The following DSG2 variants were observed in gnomAD, a reference collection of about 807,000 sequenced individuals.
DSG2 encodes desmoglein 2, also known as desmoglein-2.
A neutral mutation model predicts 75.6 loss-of-function variants in DSG2; 45 were observed. The observed-to-expected ratio is 0.60, with a 90% CI of 0.47 to 0.76. The LOEUF (loss-of-function observed/expected upper bound fraction) is 0.76. Ranked by LOEUF, DSG2 falls within the 30% of genes least tolerant of loss-of-function variation. The pLI, the probability that DSG2 is intolerant of heterozygous loss-of-function variation, is 0.00. For missense variants in DSG2, 1,267 were observed against 1,357.4 expected (o/e 0.93, Z 1.05); for synonymous variants, 429 against 483.9 (o/e 0.89, Z 1.49).
intron 1 of DSG2, among the ~76,000 whole-genome samples, chr18:31,515,668 T>C (rs2073090611): frequency 6.6e-6 from 1 of 152,188 alleles, no homozygotes; most frequent in African/African-American, 2.4e-5. Context: ...GAAGAGATCA[T>C]AGATCTGATC....
intron 1 of DSG2, among the ~76,000 whole-genome samples, chr18:31,500,787 C>T (rs2073009671): frequency 6.6e-6 from 1 of 152,150 alleles, no homozygotes; most frequent in Non-Finnish European, 1.5e-5. Context: ...TGAATAAAAT[C>T]AGAGAATATT....
intron 12 of DSG2, among the ~76,000 whole-genome samples, chr18:31,539,660 C>G (rs1166489675): frequency 2.6e-5 from 4 of 152,200 alleles, no homozygotes; most frequent in African/African-American, 9.7e-5. Context: ...TGAATATGGA[C>G]AGAGGGCCGC....
chr18:31,502,419 A>G (rs1009836957), intron 1 of DSG2, among the ~76,000 whole-genome samples: 5 of 152,236 alleles, frequency 3.3e-5, no homozygotes, highest in African/African-American at 1.2e-4. Flanking sequence ...TTGAATAGGG[A>G]TAAGTGTTTT....
At position 31,546,841 on chromosome 18, in the gene DSG2, G is replaced by C; in HGVS notation, c.*98G>C. 1 of 1,317,250 alleles carries C rather than the reference G, an allele frequency of 7.6e-7. No homozygotes were observed. The allele number at this position is 1,317,250 out of a possible 1,614,324, so 81.6% of individuals were successfully genotyped here. A position where few individuals can be genotyped will look rare whatever the true frequency, so the allele number is the denominator to read the frequency against. ...TTTTCATGAGCCTTACAGACACACAGAGACACATACACATTGATCTTAAAA... is the reference window on the plus strand; with the variant it reads ...TTTTCATGAGCCTTACAGACACACACAGACACATACACATTGATCTTAAAA... On this transcript the variant is annotated 3_prime_UTR_variant, in exon 15 of 15. Coordinates refer to ENST00000261590, the MANE Select transcript of DSG2 (RefSeq NM_001943.5).
chr18:31,532,747 C>A (rs1275381422), intron 9 of DSG2, among the ~76,000 whole-genome samples: 11 of 152,116 alleles, frequency 7.2e-5, no homozygotes, highest in Non-Finnish European at 1.2e-4. Context: ...AGACAGTATA[C>A]CCAACTGAAT....
In DSG2 at chr18:31,522,163, T is replaced by C; in HGVS notation, c.604T>C (p.Ser202Pro). ...TTCGAAAATTTCCTATAGAATCGTATCTCTGGAGCCTGCTTATCCTCCAGT... is the reference window on the plus strand; with the variant it reads ...TTCGAAAATTTCCTATAGAATCGTACCTCTGGAGCCTGCTTATCCTCCAGT... ...LNSKISYRIV[S>P]LEPAYPPVFY... is the part of the protein sequence containing the mutation. Residue 202 changes from serine (S) to proline (P), a missense_variant, in exon 6 of 15, where the codon TCT becomes CCT. Ser to Pro is a moderately conservative substitution (Grantham distance 74, BLOSUM62 -1). Transcript: ENST00000261590. 1 of 1,613,732 alleles carries C rather than the reference T, an allele frequency of 6.2e-7. No homozygotes were observed. The highest frequency in any genetic ancestry group is 8.5e-7 in the Non-Finnish European group (1 of 1,179,682).
rs2073267405 is a variant in DSG2 at position 31,541,415 on chromosome 18, A to C, written c.2001+101A>C. 2.1e-6 allele frequency: 3 copies of C among 1,447,506 alleles called. No homozygotes were observed. In the South Asian group the frequency reaches 3.6e-5, roughly 18 times the overall value. 89.7% of individuals were successfully genotyped at this position (1,447,506 alleles called of 1,614,324 possible). On this transcript the variant is annotated intron_variant, in intron 13 of 14. Transcript: ENST00000261590. The stretch of plus-strand genomic sequence containing the variant: ...GTTTGGTTGAGTGAGTAAAGTGATC[A>C]CTATGGATTTCACTCATGTGCCTTT...
rs16962093 is a variant in DSG2 at position 31,545,973 on chromosome 18, A to C, written c.2587A>C (p.Met863Leu). The C allele has an allele frequency of 1.2e-3, 1,902 of 1,614,206 alleles. 25 individuals carry two copies. In the African/African-American group the frequency reaches 0.022, roughly 19 times the overall value. Reference sequence around the variant, plus strand: ...ACAAAAACCTGCCACAGAAACAAGTATGAACACAGCTTCACATTCACTCTG... The same window carrying C: ...ACAAAAACCTGCCACAGAAACAAGTCTGAACACAGCTTCACATTCACTCTG... Reference protein sequence around the residue: ...QRQKPATETSMNTASHSLCEQ... With the variant: ...QRQKPATETSLNTASHSLCEQ... Residue 863 changes from methionine to leucine, a missense_variant, in exon 15 of 15, where the codon ATG (methionine) becomes CTG (leucine). Transcript: ENST00000261590.
chr18:31,541,181 G>A lies in DSG2; in HGVS notation c.1880-12G>A. ...GTTAACCTTATCTGTGTTCAATTTTGTGTCTGTACAGTGGTACCACTTTTA... is the reference window on the plus strand; with the variant it reads ...GTTAACCTTATCTGTGTTCAATTTTATGTCTGTACAGTGGTACCACTTTTA... On this transcript the variant is annotated splice_polypyrimidine_tract_variant and intron_variant, in intron 12 of 14. Coordinates refer to ENST00000261590, the MANE Select transcript of DSG2 (RefSeq NM_001943.5). 1 of 1,614,134 alleles carries A rather than the reference G, an allele frequency of 6.2e-7. No individual in the cohort carries two copies. The highest frequency in any genetic ancestry group is 8.5e-7 in the Non-Finnish European group (1 of 1,179,982).
chr18:31,498,209 G>A lies in DSG2; in HGVS notation c.-43G>A. 1 of 1,237,674 alleles carries A rather than the reference G, an allele frequency of 8.1e-7. No homozygotes were observed. Among genetic ancestry groups the A allele is most frequent in the Non-Finnish European group, 1.0e-6 (1 of 987,848 alleles). The allele number at this position is 1,237,674 out of a possible 1,614,324, so 76.7% of individuals were successfully genotyped here. ...CGAGTGCGCGCTCGGGGCAGGCGGC[G>A]GCGCGGAGCGGTGCGGCGGCGGGAG... On this transcript the variant is annotated 5_prime_UTR_variant, in exon 1 of 15. Coordinates refer to ENST00000261590, the MANE Select transcript of DSG2 (RefSeq NM_001943.5).
intron 1 of DSG2, 78 bp from the exon 2 acceptor site, chr18:31,518,161 G>A: frequency 1.8e-6 from 2 of 1,133,882 alleles, no homozygotes; most frequent in Non-Finnish European, 2.7e-6. Flanking sequence ...ATTCAATGCA[G>A]TAGGTTATTC....
intron 8 of DSG2, among the ~76,000 whole-genome samples, chr18:31,526,805 A>T (rs2073165683): frequency 6.6e-6 from 1 of 152,226 alleles, no homozygotes; most frequent in Non-Finnish European, 1.5e-5. Context: ...AAGGATGTAA[A>T]GAAAAAAAAT....
In DSG2 at chr18:31,546,845, C is replaced by G; in HGVS notation, c.*102C>G. On this transcript the variant is annotated 3_prime_UTR_variant, in exon 15 of 15. Transcript: ENST00000261590. ...CATGAGCCTTACAGACACACAGAGA[C>G]ACATACACATTGATCTTAAAATTTT... 2 of 1,272,548 alleles carry G rather than the reference C, an allele frequency of 1.6e-6. No individual in the cohort carries two copies. Among genetic ancestry groups the G allele is most frequent in the Non-Finnish European group, 2.3e-6 (2 of 874,764 alleles). 78.8% of individuals were successfully genotyped at this position (1,272,548 alleles called of 1,614,324 possible).
At chr18:31,507,149 TC>T (rs11344872) in intron 1 of DSG2, among the ~76,000 whole-genome samples, 152,217 of 152,218 alleles carry the variant, frequency 1, 76,108 homozygotes, top group Non-Finnish European at 1. Flanking sequence ...GTTGTTCAAC[TC>T]CCCACTTATA....
intron 5 of DSG2, 125 bp downstream of exon 5, chr18:31,521,368 A>C (rs2073127580): frequency 9.4e-7 from 1 of 1,064,666 alleles, no homozygotes; most frequent in Non-Finnish European, 1.4e-6. Flanking sequence ...AAATGATAAG[A>C]AAGCAGTTCA....
intron 1 of DSG2, among the ~76,000 whole-genome samples, chr18:31,517,060 A>T (rs1470309423): frequency 4.6e-5 from 7 of 152,264 alleles, no homozygotes; most frequent in Non-Finnish European, 1.0e-4. Flanking sequence ...CAAGAGAAGA[A>T]GGAAGCCAGC....
At chr18:31,512,150 C>T (rs1002382090) in intron 1 of DSG2, among the ~76,000 whole-genome samples, 4 of 152,258 alleles carry the variant, frequency 2.6e-5, no homozygotes, top group South Asian at 4.2e-4. Context: ...CACATAAAAA[C>T]GGCTCTTACC....
chr18:31,503,050 A>G (rs529193162), intron 1 of DSG2, among the ~76,000 whole-genome samples: 1 of 152,326 alleles, frequency 6.6e-6, no homozygotes, highest in Admixed American at 6.5e-5. Flanking sequence ...CAGAATTCCT[A>G]CCGTGGTCGA....
intron 8 of DSG2, 122 bp from the exon 9 acceptor site, chr18:31,530,865 C>A: frequency 1.1e-6 from 1 of 943,196 alleles, no homozygotes; most frequent in African/African-American, 1.6e-5. Context: ...CTATTCAGTG[C>A]TGCTATATTT....
Sources: allele counts gnomAD v4.1 joint callset (sites outside exome capture counted in the v4.1 genomes callset), GRCh38; gene constraint gnomAD v4.1.1; transcripts MANE v1.5; gene names NCBI Gene and HGNC (gene_info 2026-07-23, HGNC 2026-07-21).